SBNO1: variants seen among roughly 807,000 people sequenced by gnomAD.
SBNO1 encodes strawberry notch homolog 1.
A neutral mutation model predicts 173.6 loss-of-function variants in SBNO1; 23 were observed. That is an observed-to-expected ratio of 0.13 (90% CI 0.10 to 0.19). The LOEUF (loss-of-function observed/expected upper bound fraction) is 0.19. SBNO1 is among the 10% of genes least tolerant of loss of function. The pLI is 1.00. For synonymous variants in SBNO1, 632 were observed against 571.5 expected, an observed-to-expected ratio of 1.11 and a Z score of -1.51; for missense variants, 1,238 against 1,671.2, an observed-to-expected ratio of 0.74 and a Z score of 4.52.
chr12:123,356,332 C>A (rs1425826136), intron 1 of SBNO1, among the ~76,000 whole-genome samples: 1 of 152,138 alleles, frequency 6.6e-6, no homozygotes, highest in Admixed American at 6.6e-5. Flanking sequence ...AGTATTTCAT[C>A]CAAAAAAGAT....
chr12:123,299,300 G>A (rs961149101), intron 30 of SBNO1, among the ~76,000 whole-genome samples: 7 of 151,386 alleles, frequency 4.6e-5, no homozygotes, highest in Non-Finnish European at 8.8e-5. Context: ...CCCAGGAGGC[G>A]GAGCTTGCAG....
Position 123,324,872 on chromosome 12 carries a change from G to A in SBNO1, c.1973+630C>T, listed in dbSNP as rs902276129. 5.3e-5 allele frequency among the ~76,000 whole-genome samples: 8 copies of A among 151,308 alleles called. No individual in the cohort carries two copies. In the South Asian group the frequency reaches 1.7e-3, roughly 32 times the overall value. The stretch of plus-strand genomic sequence containing the variant: ...AGAGGGGAGTGGAGTGGAGTGGTGC[G>A]ATCTTGGCTCACTGCAACCTCCACC... On this transcript the variant is annotated intron_variant, in intron 15 of 31. Coordinates refer to ENST00000602398, the MANE Select transcript of SBNO1 (RefSeq NM_001167856.3).
chr12:123,304,758 TACAC>T (rs2048873455), intron 28 of SBNO1, 39 bp from the exon 29 acceptor site: 1 of 1,286,862 alleles, frequency 7.8e-7, no homozygotes, highest in Non-Finnish European at 1.1e-6. Context: ...GATTTTATAA[TACAC>T]ACTTTAAGAC....
chr12:123,292,709 T>C lies in SBNO1; in HGVS notation c.*3199A>G, dbSNP rs1416333272. Reference sequence around the variant, plus strand: ...GAAGTGCTGAGTTAGAATAAATATATATAGATACATACACACACTACATTG... The same window carrying C: ...GAAGTGCTGAGTTAGAATAAATATACATAGATACATACACACACTACATTG... On this transcript the variant is annotated 3_prime_UTR_variant, in exon 32 of 32. Coordinates refer to ENST00000602398, the MANE Select transcript of SBNO1 (RefSeq NM_001167856.3). 1 of 152,144 alleles carries C rather than the reference T, an allele frequency of 6.6e-6. No homozygotes were observed. Among genetic ancestry groups the C allele is most frequent in the Non-Finnish European group, 1.5e-5 (1 of 68,020 alleles). The allele number at this position is 152,144 out of a possible 1,614,324, so 9.4% of individuals were successfully genotyped here.
chr12:123,358,970 T>C (rs1158609970), intron 1 of SBNO1, among the ~76,000 whole-genome samples: 2 of 151,636 alleles, frequency 1.3e-5, no homozygotes, highest in Non-Finnish European at 2.9e-5. Flanking sequence ...TCTTGCTCTG[T>C]CACCCAGGAT....
intron 30 of SBNO1, among the ~76,000 whole-genome samples, chr12:123,301,103 G>A (rs1161748933): frequency 2.6e-5 from 4 of 151,974 alleles, no homozygotes; most frequent in African/African-American, 7.2e-5. Flanking sequence ...TGCCTCACAG[G>A]CTCAAGCGAT....
chr12:123,302,585 C>T (rs766857772), intron 30 of SBNO1, among the ~76,000 whole-genome samples: 1 of 152,156 alleles, frequency 6.6e-6, no homozygotes, highest in Non-Finnish European at 1.5e-5. Context: ...CTGTTAAGGT[C>T]ATGCTGCCAG....
intron 1 of SBNO1, chr12:123,364,418 G>A (rs1593437629): frequency 3.0e-6 from 3 of 985,516 alleles, no homozygotes; most frequent in Non-Finnish European, 3.6e-6. Context: ...TCCGGCCCGG[G>A]ACAGCGGGGC....
intron 21 of SBNO1, among the ~76,000 whole-genome samples, chr12:123,316,873 T>C (rs1869351350): frequency 6.6e-6 from 1 of 151,992 alleles, no homozygotes; most frequent in Non-Finnish European, 1.5e-5. Context: ...CAGTTAATTT[T>C]TGTATTTTTA....
chr12:123,358,556 A>G (rs1874724683), intron 1 of SBNO1, among the ~76,000 whole-genome samples: 1 of 151,940 alleles, frequency 6.6e-6, no homozygotes, highest in African/African-American at 2.4e-5. Context: ...GATAGAGACC[A>G]CAGTGAAACC....
At chr12:123,320,233 G>GT (rs1168326528) in intron 19 of SBNO1, among the ~76,000 whole-genome samples, 199 bp downstream of exon 19, 2 of 152,246 alleles carry the variant, frequency 1.3e-5, no homozygotes, top group Non-Finnish European at 2.9e-5. Flanking sequence ...GATAAGTGCA[G>GT]TAACTAGGAC....
Position 123,347,565 on chromosome 12 carries a change from G to A in SBNO1, c.237+464C>T, listed in dbSNP as rs79622593. Among the ~76,000 whole-genome samples the A allele has an allele frequency of 0.01, 1,481 of 146,686 alleles. 122 individuals carry two copies. The East Asian group carries it at 0.23, about 23-fold the overall frequency. ...TTTTGAGATGAAGTCTCACTCTGTC[G>A]CCCAGGCTGGAGTGCAGTGGCTTGG... On this transcript the variant is annotated intron_variant, in intron 3 of 31. Coordinates refer to ENST00000602398, the MANE Select transcript of SBNO1 (RefSeq NM_001167856.3).
At chr12:123,315,330 A>G (rs755494871) in intron 23 of SBNO1, 43 bp downstream of exon 23, 3 of 1,443,230 alleles carry the variant, frequency 2.1e-6, no homozygotes, top group Admixed American at 1.7e-5. Flanking sequence ...AAGACACCAT[A>G]CACTATCACA....
chr12:123,359,999 G>C (rs1202877593), intron 1 of SBNO1, among the ~76,000 whole-genome samples: 3 of 152,090 alleles, frequency 2.0e-5, no homozygotes, highest in Admixed American at 1.3e-4. Flanking sequence ...CCAGCAGTTT[G>C]GGAGGCCAAG....
intron 3 of SBNO1, among the ~76,000 whole-genome samples, chr12:123,346,976 G>A (rs1313310502): frequency 2.7e-5 from 4 of 149,580 alleles, no homozygotes; most frequent in Non-Finnish European, 5.9e-5. Flanking sequence ...TGCTTGGAAG[G>A]TTAAGGCAGA....
intron 28 of SBNO1, among the ~76,000 whole-genome samples, chr12:123,307,453 GTT>G (rs915435643): frequency 6.6e-6 from 1 of 152,148 alleles, no homozygotes; most frequent in African/African-American, 2.4e-5. Context: ...CATAGAAAAA[GTT>G]TAGCAACTCC....
chr12:123,335,385 AG>A (rs886607186), intron 6 of SBNO1, among the ~76,000 whole-genome samples: 4 of 152,212 alleles, frequency 2.6e-5, no homozygotes, highest in African/African-American at 9.6e-5. Flanking sequence ...TGGGAGGTGG[AG>A]GTTGCAGTGA....
At chr12:123,306,405 C>G (rs770228073) in intron 28 of SBNO1, among the ~76,000 whole-genome samples, 50 of 152,304 alleles carry the variant, frequency 3.3e-4, no homozygotes, top group Middle Eastern at 6.8e-3. Context: ...AATGAGGTCT[C>G]TAGGACCACC....
At chr12:123,298,910 C>T (rs577617766) in intron 30 of SBNO1, among the ~76,000 whole-genome samples, 44 of 152,074 alleles carry the variant, frequency 2.9e-4, no homozygotes, top group African/African-American at 8.7e-4. Context: ...TGCAACATGG[C>T]GAGGCTCTAT....
Sources: gnomAD v4.1 joint callset for allele counts (sites outside exome capture counted in the v4.1 genomes callset) on GRCh38, gnomAD v4.1.1 for gene constraint, MANE v1.5 for transcripts, NCBI Gene and HGNC (gene_info 2026-07-23, HGNC 2026-07-21) for gene names.